Variants in SCN10A observed in about 807,000 individuals in gnomAD.
SCN10A encodes the protein sodium voltage-gated channel alpha subunit 10, also known as sodium channel protein type 10 subunit alpha.
In SCN10A, 162 loss-of-function variants were observed where a neutral mutation model predicts 170.7. The observed-to-expected ratio is 0.95, with a 90% CI of 0.84 to 1.08. The LOEUF (loss-of-function observed/expected upper bound fraction) is 1.08. SCN10A is among the 50% of genes least tolerant of loss of function. The probability of loss-of-function intolerance (pLI) is 0.00; values close to 1 mark genes in which losing one functional copy is unlikely to be tolerated. For synonymous variants in SCN10A, 985 were observed against 904.6 expected (o/e 1.09, Z -1.59); for missense variants, 2,527 against 2,436.9 (o/e 1.04, Z -0.78).
intron 1 of SCN10A, 130 bp downstream of exon 1, chr3:38,815,907 A>G (rs1015128828): frequency 2.0e-5 from 3 of 152,206 alleles, no homozygotes; most frequent in African/African-American, 7.2e-5. Flanking sequence ...GAGGAAGGTC[A>G]TATATTAAAA....
In SCN10A at chr3:38,697,498, T is replaced by A. The variant is rs768167768; in HGVS notation, c.5722A>T (p.Lys1908Ter). 1.2e-6 allele frequency: 2 copies of A among 1,614,178 alleles called. No individual in the cohort carries two copies. Among genetic ancestry groups the A allele is most frequent in the Non-Finnish European group, 1.7e-6 (2 of 1,180,028 alleles). ...GATGTGGCAGAAGCAGTTTCAGATTTGTCTGGGAGTACACAATTTTCATTT... is the reference window on the plus strand; with the variant it reads ...GATGTGGCAGAAGCAGTTTCAGATTAGTCTGGGAGTACACAATTTTCATTT... ...TANENCVLPD[K>*]SETASATSFP... The change falls in exon 28 of 28, where the codon AAA (lysine) becomes TAA (stop). Residue 1908 changes from lysine to a stop codon, truncating the protein, a stop_gained. Coordinates refer to ENST00000449082, the MANE Select transcript of SCN10A (RefSeq NM_006514.4). LOFTEE classifies it high-confidence loss of function.
At chr3:38,709,110 G>A (rs949031974) in intron 25 of SCN10A, among the ~76,000 whole-genome samples, 1 of 152,148 alleles carries the variant, frequency 6.6e-6, no homozygotes, top group Non-Finnish European at 1.5e-5. Flanking sequence ...TTCCTGAGGT[G>A]CCCTGACTCA....
intron 1 of SCN10A, among the ~76,000 whole-genome samples, chr3:38,798,690 G>A (rs1221093031): frequency 6.7e-6 from 1 of 150,344 alleles, no homozygotes; most frequent in Non-Finnish European, 1.5e-5. Flanking sequence ...ATTCCCTTAA[G>A]TTTAATAGCT....
At chr3:38,741,358 A>G (rs1431045033) in intron 14 of SCN10A, among the ~76,000 whole-genome samples, 1 of 152,134 alleles carries the variant, frequency 6.6e-6, no homozygotes, top group African/African-American at 2.4e-5. Context: ...TCAGGGGTTA[A>G]GAAAAGCGGG....
chr3:38,697,343 T>C lies in SCN10A; in HGVS notation c.*6A>G. 6.2e-7 allele frequency: 1 copy of C among 1,612,438 alleles called. No individual in the cohort carries two copies. Among genetic ancestry groups the C allele is most frequent in the Non-Finnish European group, 8.5e-7 (1 of 1,178,684 alleles). On this transcript the variant is annotated 3_prime_UTR_variant, in exon 28 of 28. Coordinates refer to ENST00000449082, the MANE Select transcript of SCN10A (RefSeq NM_006514.4). ...AACTGAACATATCCAGGCTGGAGTG[T>C]TCTCACTAGGGCCCAGGGGCAATCA... is the stretch of plus-strand genomic sequence containing the variant.
At chr3:38,783,459 T>C (rs936728499) in intron 4 of SCN10A, among the ~76,000 whole-genome samples, 6 of 152,152 alleles carry the variant, frequency 3.9e-5, no homozygotes, top group Non-Finnish European at 1.5e-5. Flanking sequence ...ACCTTGTTTA[T>C]GTAATCCTTT....
At chr3:38,722,680 C>A (rs2125997591) in intron 19 of SCN10A, among the ~76,000 whole-genome samples, 1 of 152,234 alleles carries the variant, frequency 6.6e-6, no homozygotes, top group Non-Finnish European at 1.5e-5. Context: ...TGGTCCCTGT[C>A]CTTCTGCCCA....
intron 14 of SCN10A, among the ~76,000 whole-genome samples, chr3:38,740,806 T>C (rs138906518): frequency 5.9e-5 from 9 of 152,350 alleles, no homozygotes; most frequent in Non-Finnish European, 1.2e-4. Flanking sequence ...AGTGGCACTT[T>C]CCTCTGACAC....
chr3:38,723,404 G>T (rs746365474), intron 19 of SCN10A, 26 bp downstream of exon 19: 3 of 1,613,766 alleles, frequency 1.9e-6, no homozygotes, highest in Non-Finnish European at 2.5e-6. Flanking sequence ...ACATCAGTGT[G>T]AGGGGGCCTG....
Position 38,797,400 on chromosome 3 carries a change from T to C in SCN10A, c.-32-3358A>G, listed in dbSNP as rs538936191. On this transcript the variant is annotated intron_variant, in intron 1 of 27. Transcript: ENST00000449082. Reference sequence around the variant, plus strand: ...CTTAATGTCCTCCATTACTTTCTTCTGAGAGCTTTCCCTCACCCTCTTCCT... The same window carrying C: ...CTTAATGTCCTCCATTACTTTCTTCCGAGAGCTTTCCCTCACCCTCTTCCT... Among the ~76,000 whole-genome samples the C allele has an allele frequency of 4.6e-5, 7 of 152,308 alleles. No homozygotes were observed. The East Asian group carries it at 1.4e-3, about 29-fold the overall frequency.
intron 4 of SCN10A, among the ~76,000 whole-genome samples, chr3:38,784,740 C>T (rs2064178066): frequency 6.6e-6 from 1 of 152,138 alleles, no homozygotes; most frequent in South Asian, 2.1e-4. Flanking sequence ...ACCCCATCAT[C>T]TCAGCCCAAA....
rs1057523925 is a variant in SCN10A, at chr3:38,728,800, C to T, written c.2382G>A (p.Leu794=). 2 of 1,614,142 alleles carry T rather than the reference C, an allele frequency of 1.2e-6. No homozygotes were observed. Among genetic ancestry groups the T allele is most frequent in the Admixed American group, 1.7e-5 (1 of 60,020 alleles). The change falls in exon 16 of 28, where the codon CTG becomes CTA. Residue 794 remains leucine (L), a synonymous_variant. Transcript: ENST00000449082. ...VGALGNLTII[L]AIIVFVFALV... is the part of the protein sequence containing the mutation. ...GAGCAAAGACAAAGACAATGATGGC[C>T]AGGATGATGGTGAGGTTCCCCAGTG...
In SCN10A at chr3:38,713,852, T is replaced by C. The variant is rs1298285088; in HGVS notation, c.3804+106A>G. The C allele has an allele frequency of 1.3e-5, 19 of 1,425,496 alleles. 1 individual carries two copies. Among genetic ancestry groups the C allele is most frequent in the East Asian group, 2.3e-5 (1 of 43,256 alleles). The allele number at this position is 1,425,496 out of a possible 1,614,324, so 88.3% of individuals were successfully genotyped here. On this transcript the variant is annotated intron_variant, in intron 22 of 27. Coordinates refer to ENST00000449082, the MANE Select transcript of SCN10A (RefSeq NM_006514.4). ...CATGTTGGCCAGGGTGGTTTTGAAC[T>C]CCTAACCTCAGGTGATCCGCCCGCC...
intron 1 of SCN10A, among the ~76,000 whole-genome samples, chr3:38,814,935 C>T (rs1210969448): frequency 6.6e-6 from 1 of 152,198 alleles, no homozygotes; most frequent in East Asian, 1.9e-4. Flanking sequence ...AATATATACA[C>T]GTGGTTGCTT....
rs1301557094 is a variant in SCN10A at position 38,757,072 on chromosome 3, G to A, written c.1038C>T (p.Phe346=). 2 of 1,613,800 alleles carry A rather than the reference G, an allele frequency of 1.2e-6. No individual in the cohort carries two copies. The highest frequency in any genetic ancestry group is 2.2e-5 in the East Asian group (1 of 44,892). ...YTSFDSFAWA[F]LSLFRLMTQD... Reference sequence around the variant, plus strand: ...GTGTCATGAGGCGGAACAGTGAGAGGAAAGCCCAAGCAAAGGAATCAAAGC... The same window carrying A: ...GTGTCATGAGGCGGAACAGTGAGAGAAAAGCCCAAGCAAAGGAATCAAAGC... The change falls in exon 9 of 28, where the codon TTC becomes TTT. Residue 346 remains phenylalanine (F), a synonymous_variant. Coordinates refer to ENST00000449082, the MANE Select transcript of SCN10A (RefSeq NM_006514.4).
At chr3:38,739,268 C>T (rs1279228011) in intron 15 of SCN10A, among the ~76,000 whole-genome samples, 2 of 152,152 alleles carry the variant, frequency 1.3e-5, no homozygotes, top group Non-Finnish European at 2.9e-5. Flanking sequence ...GAGGACAGTG[C>T]TTGGAAGTCC....
rs1285061982 is a variant in SCN10A, at chr3:38,697,438, G to T, written c.5782C>A (p.Leu1928Ile). ...GTCCTCATGTTGACTCTATCACTAA[G>T]GCCTCTAGTGACACTCTCATAGGAC... ...PPSYESVTRG[L>I]SDRVNMRTSS... Residue 1928 changes from leucine to isoleucine, a missense_variant, in exon 28 of 28, where the codon CTT becomes ATT. By Grantham distance (5) the Leu-to-Ile change is conservative. Transcript: ENST00000449082. 1 of 1,614,156 alleles carries T rather than the reference G, an allele frequency of 6.2e-7. No homozygotes were observed.
chr3:38,739,559 C>T lies in SCN10A; in HGVS notation c.2236G>A (p.Val746Met), dbSNP rs774134060. 8 of 1,614,134 alleles carry T rather than the reference C, an allele frequency of 5.0e-6. No individual in the cohort carries two copies. Among genetic ancestry groups the T allele is most frequent in the East Asian group, 2.2e-5 (1 of 44,882 alleles). The change falls in exon 15 of 28, where the codon GTG becomes ATG. Residue 746 changes from valine (V) to methionine (M), a missense_variant. By Grantham distance (21) the Val-to-Met change is conservative. Coordinates refer to ENST00000449082, the MANE Select transcript of SCN10A (RefSeq NM_006514.4). The part of the protein sequence containing the change: ...IVTVSLLELG[V>M]AKKGSLSVLR... ...ACAGACAGGCTTCCCTTCTTGGCCA[C>T]GCCCAGCTCTAGCAGACTCACAGTG...
intron 19 of SCN10A, 135 bp downstream of exon 19, chr3:38,723,295 G>A (rs1339524134): frequency 1.4e-5 from 15 of 1,049,866 alleles, no homozygotes; most frequent in East Asian, 7.1e-5. Flanking sequence ...TGATGCGGGC[G>A]CCCTCAAGCC....
Sources: allele counts gnomAD v4.1 joint callset (sites outside exome capture counted in the v4.1 genomes callset), GRCh38; gene constraint gnomAD v4.1.1; transcripts MANE v1.5; gene names NCBI Gene and HGNC (gene_info 2026-07-23, HGNC 2026-07-21).